Variants in DDX55 observed in about 807,000 individuals in gnomAD.
DDX55 encodes DEAD-box helicase 55.
A neutral mutation model predicts 69.2 loss-of-function variants in DDX55; 56 were observed. That is an observed-to-expected ratio of 0.81 (90% CI 0.65 to 1.01). The LOEUF is 1.01. Among genes scored for constraint, DDX55 ranks in the 50% least tolerant of loss-of-function variants. The probability of loss-of-function intolerance (pLI) is 0.00; values close to 1 mark genes in which losing one functional copy is unlikely to be tolerated. For missense variants in DDX55, 720 were observed against 745.1 expected (o/e 0.97, Z 0.39); for synonymous variants, 268 against 273.1 (o/e 0.98, Z 0.18).
At position 123,605,962 on chromosome 12, in the gene DDX55, A is replaced by G. The variant is rs752513603; in HGVS notation, c.140A>G (p.Lys47Arg). 8 of 1,614,010 alleles carry G rather than the reference A, an allele frequency of 5.0e-6. No individual in the cohort carries two copies. The South Asian group carries it at 8.8e-5, about 18-fold the overall frequency. ...ACCATCCCTCTGTTCATGCGAAACA[A>G]AGATGTCGCTGCAGAAGCGGTGAGT... ...SATIPLFMRNKDVAAEAVTGS... is the reference protein window; with the variant it reads ...SATIPLFMRNRDVAAEAVTGS... Residue 47 changes from lysine to arginine, a missense_variant, in exon 2 of 14, where the codon AAA becomes AGA. Physicochemically the swap from Lys to Arg is conservative, Grantham distance 26 (BLOSUM62 2). Coordinates refer to ENST00000238146, the MANE Select transcript of DDX55 (RefSeq NM_020936.3).
chr12:123,603,616 T>C (rs970122071), intron 1 of DDX55, among the ~76,000 whole-genome samples: 2 of 152,056 alleles, frequency 1.3e-5, no homozygotes, highest in Admixed American at 6.6e-5. Context: ...GGTCTTGAAC[T>C]CCTGACCTCC....
chr12:123,618,817 A>ACC lies in DDX55; in HGVS notation c.1314_1315dup (p.Leu439ProfsTer2). The ACC allele has an allele frequency of 3.1e-6, 5 of 1,614,138 alleles. No individual in the cohort carries two copies. The highest frequency in any genetic ancestry group is 4.2e-6 in the Non-Finnish European group (5 of 1,179,982). On this transcript the variant is annotated frameshift_variant, in exon 12 of 14. Coordinates refer to ENST00000238146, the MANE Select transcript of DDX55 (RefSeq NM_020936.3). LOFTEE classifies it high-confidence loss of function. Reference sequence around the variant, plus strand: ...CAAGCTTATGCAAAGCATGAATGCAACCTGATTTTCAGATTAAAGGGTAAG... The same window carrying ACC: ...CAAGCTTATGCAAAGCATGAATGCAACCCCTGATTTTCAGATTAAAGGGTAAG...
chr12:123,604,070 G>C (rs1358609502), intron 1 of DDX55, among the ~76,000 whole-genome samples: 1 of 152,116 alleles, frequency 6.6e-6, no homozygotes, highest in Non-Finnish European at 1.5e-5. Flanking sequence ...AAAGTGCTGG[G>C]ATTACAGGAG....
Position 123,619,794 on chromosome 12 carries a change from G to A in DDX55, c.1626+70G>A, listed in dbSNP as rs878997748. 2.2e-5 allele frequency: 33 copies of A among 1,521,936 alleles called. 1 individual carries two copies. In the South Asian group the frequency reaches 3.4e-4, roughly 16 times the overall value. 94.3% of individuals were successfully genotyped at this position (1,521,936 alleles called of 1,614,324 possible). A position where few individuals can be genotyped will look rare whatever the true frequency, so the allele number is the denominator to read the frequency against. On this transcript the variant is annotated intron_variant, in intron 13 of 13. Coordinates refer to ENST00000238146, the MANE Select transcript of DDX55 (RefSeq NM_020936.3). ...TTTATTGTAGTAGTTCTTTAAATAG[G>A]AATTGTGTGGGGCTGTCAGATTTCT...
chr12:123,608,535 C>T, intron 5 of DDX55, 145 bp from the exon 6 acceptor site: 1 of 946,098 alleles, frequency 1.1e-6, no homozygotes, highest in Non-Finnish European at 1.6e-6. Flanking sequence ...TTCTACCCTG[C>T]AGCACTCTTC....
chr12:123,608,452 G>A, intron 5 of DDX55: 1 of 450,010 alleles, frequency 2.2e-6, no homozygotes. Context: ...TTTGGTCCGG[G>A]AGCTGGAGTT....
intron 7 of DDX55, among the ~76,000 whole-genome samples, chr12:123,610,898 T>G (rs1000199663): frequency 2.8e-5 from 4 of 140,698 alleles, no homozygotes; most frequent in South Asian, 2.3e-4. Flanking sequence ...CCGTTTTTTT[T>G]TGTTTGTTTT....
In DDX55 at chr12:123,610,121, A is replaced by G; in HGVS notation, c.734A>G (p.Tyr245Cys). The change falls in exon 7 of 14, where the codon TAC (tyrosine) becomes TGC (cysteine). Residue 245 changes from tyrosine (Y) to cysteine (C), a missense_variant. By Grantham distance (194) the Tyr-to-Cys change is radical. Transcript: ENST00000238146. ...AAGACCCCCTCCCGCCTGGAAAACTACTACATGGTAAGCGCCTGGGCTTGC... is the reference window on the plus strand; with the variant it reads ...AAGACCCCCTCCCGCCTGGAAAACTGCTACATGGTAAGCGCCTGGGCTTGC... ...AQKTPSRLENYYMVCKADEKF... is the reference protein window; with the variant it reads ...AQKTPSRLENCYMVCKADEKF... 6.2e-7 allele frequency: 1 copy of G among 1,613,136 alleles called. No individual in the cohort carries two copies.
Position 123,607,456 on chromosome 12 carries a change from A to G in DDX55, c.271A>G (p.Thr91Ala), listed in dbSNP as rs773030147. 3 of 1,613,402 alleles carry G rather than the reference A, an allele frequency of 1.9e-6. No homozygotes were observed. The highest frequency in any genetic ancestry group is 2.2e-5 in the South Asian group (2 of 91,042). Residue 91 changes from threonine to alanine, a missense_variant, in exon 4 of 14, where the codon ACT becomes GCT. Physicochemically the swap from Thr to Ala is moderately conservative, Grantham distance 58. Coordinates refer to ENST00000238146, the MANE Select transcript of DDX55 (RefSeq NM_020936.3). ...GGTTGGAGCCATAATCATCACCCCC[A>G]CTCGAGAGCTGGCCATTCAAATAGA... ...SQVGAIIITP[T>A]RELAIQIDEV...
chr12:123,616,540 C>T lies in DDX55; in HGVS notation c.986C>T (p.Ala329Val). The T allele has an allele frequency of 6.2e-7, 1 of 1,614,054 alleles. No individual in the cohort carries two copies. The highest frequency in any genetic ancestry group is 8.5e-7 in the Non-Finnish European group (1 of 1,179,998). The change falls in exon 10 of 14, where the codon GCC becomes GTC. Residue 329 changes from alanine to valine, a missense_variant. By Grantham distance (64) the Ala-to-Val change is moderately conservative. Coordinates refer to ENST00000238146, the MANE Select transcript of DDX55 (RefSeq NM_020936.3). ...ATTTTAGTGTGCACTGATGTGATGG[C>T]CCGGGGAATTGATATTCCTGAAGTC... ...SGILVCTDVMARGIDIPEVNW... is the reference protein window; with the variant it reads ...SGILVCTDVMVRGIDIPEVNW...
intron 13 of DDX55, 115 bp from the exon 14 acceptor site, chr12:123,619,849 G>A (rs746455199): frequency 6.6e-7 from 1 of 1,519,954 alleles, no homozygotes. Context: ...TGGGGAATTT[G>A]CTCTATTTGC....
intron 1 of DDX55, 144 bp downstream of exon 1, chr12:123,602,400 C>A: frequency 3.6e-6 from 3 of 823,670 alleles, no homozygotes; most frequent in South Asian, 4.0e-5. Context: ...TCCAGCTGCC[C>A]AGACTGGCGG....
intron 3 of DDX55, among the ~76,000 whole-genome samples, chr12:123,607,052 A>G (rs1953935404): frequency 6.6e-6 from 1 of 152,218 alleles, no homozygotes; most frequent in Non-Finnish European, 1.5e-5. Flanking sequence ...GAGTTCAATG[A>G]GAATGAATCA....
chr12:123,616,435 T>C (rs1954673146), intron 9 of DDX55, 76 bp from the exon 10 acceptor site: 1 of 1,337,666 alleles, frequency 7.5e-7, no homozygotes, highest in African/African-American at 1.4e-5. Context: ...GTCACTGTCA[T>C]CGAGATCAGT....
chr12:123,602,214 C>T lies in DDX55; in HGVS notation c.66C>T (p.Gly22=), dbSNP rs1953604955. 6.4e-7 allele frequency: 1 copy of T among 1,572,818 alleles called. No individual in the cohort carries two copies. The highest frequency in any genetic ancestry group is 1.8e-5 in the Admixed American group (1 of 54,612). ...TGCCGCTGCACCCGCAGGTGCTGGGCGCGCTGCGGGAGCTGGGCTTCCCGT... is the reference window on the plus strand; with the variant it reads ...TGCCGCTGCACCCGCAGGTGCTGGGTGCGCTGCGGGAGCTGGGCTTCCCGT... ...LPVPLHPQVL[G]ALRELGFPYM... Residue 22 remains glycine, a synonymous_variant, in exon 1 of 14, where the codon GGC becomes GGT. Coordinates refer to ENST00000238146, the MANE Select transcript of DDX55 (RefSeq NM_020936.3).
Position 123,620,314 on chromosome 12 carries a change from T to A in DDX55, c.*174T>A, listed in dbSNP as rs975848158. On this transcript the variant is annotated 3_prime_UTR_variant, in exon 14 of 14. Coordinates refer to ENST00000238146, the MANE Select transcript of DDX55 (RefSeq NM_020936.3). ...TGAAGGATTTCACACTTCAGAATAT[T>A]TTACTAAAAACATTCCAGTCTTGGC... 6.2e-6 allele frequency: 4 copies of A among 644,928 alleles called. No individual in the cohort carries two copies. Among genetic ancestry groups the A allele is most frequent in the Non-Finnish European group, 7.3e-6 (3 of 413,192 alleles). The allele number at this position is 644,928 out of a possible 1,614,324, so 40.0% of individuals were successfully genotyped here. A position where few individuals can be genotyped will look rare whatever the true frequency, so the allele number is the denominator to read the frequency against.
At position 123,607,451 on chromosome 12, in the gene DDX55, C is replaced by T. The variant is rs761535916; in HGVS notation, c.266C>T (p.Thr89Ile). Residue 89 changes from threonine to isoleucine, a missense_variant, in exon 4 of 14, where the codon ACC becomes ATC. Transcript: ENST00000238146. Reference protein sequence around the residue: ...KKSQVGAIIITPTRELAIQID... With the variant: ...KKSQVGAIIIIPTRELAIQID... Reference sequence around the variant, plus strand: ...GGGTAGGTTGGAGCCATAATCATCACCCCCACTCGAGAGCTGGCCATTCAA... The same window carrying T: ...GGGTAGGTTGGAGCCATAATCATCATCCCCACTCGAGAGCTGGCCATTCAA... 3 of 1,614,044 alleles carry T rather than the reference C, an allele frequency of 1.9e-6. No individual in the cohort carries two copies. Among genetic ancestry groups the T allele is most frequent in the Non-Finnish European group, 2.5e-6 (3 of 1,180,012 alleles).
chr12:123,613,207 A>G lies in DDX55; in HGVS notation c.779A>G (p.His260Arg). 2 of 1,613,822 alleles carry G rather than the reference A, an allele frequency of 1.2e-6. No homozygotes were observed. Among genetic ancestry groups the G allele is most frequent in the South Asian group, 1.1e-5 (1 of 91,054 alleles). ...GATGAGAAATTTAATCAGCTGGTCC[A>G]TTTTCTTCGCAATCATAAGCAGGAG... The part of the protein sequence containing the change: ...KADEKFNQLV[H>R]FLRNHKQEKH... The change falls in exon 8 of 14, where the codon CAT becomes CGT. Residue 260 changes from histidine to arginine, a missense_variant. Transcript: ENST00000238146.
Position 123,606,115 on chromosome 12 carries a change from C to A in DDX55, c.202C>A (p.Leu68Met). The A allele has an allele frequency of 6.2e-7, 1 of 1,614,144 alleles. No homozygotes were observed. Among genetic ancestry groups the A allele is most frequent in the East Asian group, 2.2e-5 (1 of 44,892 alleles). The part of the protein sequence containing the change: ...GKTLAFVIPI[L>M]EILLRREEKL... ...AACACTCGCTTTTGTCATCCCCATC[C>A]TGGAAATTCTTCTGAGAAGAGAAGA... The change falls in exon 3 of 14, where the codon CTG becomes ATG. Residue 68 changes from leucine (L) to methionine (M), a missense_variant. Leu to Met is a conservative substitution (Grantham distance 15). Transcript: ENST00000238146.
Sources: allele counts gnomAD v4.1 joint callset (sites outside exome capture counted in the v4.1 genomes callset), GRCh38; gene constraint gnomAD v4.1.1; transcripts MANE v1.5; gene names NCBI Gene and HGNC (gene_info 2026-07-23, HGNC 2026-07-21).